The following CTNND2 variants were observed in gnomAD, a reference collection of about 807,000 sequenced individuals.
CTNND2 encodes catenin delta-2.
In CTNND2, 22 loss-of-function variants were observed where a neutral mutation model predicts 144.4. The ratio of observed to expected loss-of-function variants is 0.15; its 90% confidence interval spans 0.11 to 0.22. The LOEUF (loss-of-function observed/expected upper bound fraction) is 0.22. Among genes scored for constraint, CTNND2 ranks in the 10% least tolerant of loss-of-function variants. CTNND2 has a pLI of 1.00. For synonymous variants in CTNND2, 751 were observed against 695.6 expected (o/e 1.08, Z -1.25); for missense variants, 1,353 against 1,618.8 (o/e 0.84, Z 2.82).
intron 3 of CTNND2, among the ~76,000 whole-genome samples, chr5:11,424,876 T>C (rs1233731927): frequency 2.6e-5 from 4 of 152,208 alleles, no homozygotes; most frequent in Non-Finnish European, 4.4e-5. Context: ...GAAACCATTG[T>C]TGACTTCTGA....
At chr5:10,981,679 A>C in intron 21 of CTNND2, 94 bp downstream of exon 21, 1 of 1,228,104 alleles carries the variant, frequency 8.1e-7, no homozygotes, top group Non-Finnish European at 1.2e-6. Flanking sequence ...TCAGTTCTTT[A>C]TGTATGTTGG....
intron 3 of CTNND2, among the ~76,000 whole-genome samples, chr5:11,426,467 G>C (rs551225937): frequency 6.6e-6 from 1 of 152,316 alleles, no homozygotes; most frequent in East Asian, 1.9e-4. Flanking sequence ...TTGAGCTTAT[G>C]TTTTGCGAGT....
intron 3 of CTNND2, among the ~76,000 whole-genome samples, chr5:11,420,344 A>T (rs1762269376): frequency 6.6e-6 from 1 of 152,120 alleles, no homozygotes; most frequent in Non-Finnish European, 1.5e-5. Context: ...ACAAAAACAA[A>T]AAACCTGACA....
chr5:11,786,591 C>T (rs567800029), intron 1 of CTNND2, among the ~76,000 whole-genome samples: 1 of 152,132 alleles, frequency 6.6e-6, no homozygotes, highest in Non-Finnish European at 1.5e-5. Flanking sequence ...CTAGACAGAA[C>T]AAAAATGACA....
intron 1 of CTNND2, among the ~76,000 whole-genome samples, chr5:11,829,920 C>T (rs539979853): frequency 6.6e-6 from 1 of 152,282 alleles, no homozygotes; most frequent in Admixed American, 6.5e-5. Context: ...TGGAGCTGCC[C>T]AAGACCATAG....
chr5:11,074,044 A>C (rs1428549484), intron 16 of CTNND2, among the ~76,000 whole-genome samples: 1 of 152,246 alleles, frequency 6.6e-6, no homozygotes, highest in African/African-American at 2.4e-5. Flanking sequence ...TACTAAAAAC[A>C]GCACGTTGCC....
At chr5:11,448,949 C>T (rs879723814) in intron 3 of CTNND2, among the ~76,000 whole-genome samples, 4 of 151,972 alleles carry the variant, frequency 2.6e-5, no homozygotes, top group Non-Finnish European at 4.4e-5. Flanking sequence ...GTGATCCTCC[C>T]ACCTCAGTCT....
chr5:11,273,128 T>C (rs1005775653), intron 9 of CTNND2, among the ~76,000 whole-genome samples: 6 of 152,252 alleles, frequency 3.9e-5, no homozygotes, highest in Non-Finnish European at 5.9e-5. Context: ...TCTCCTGTTA[T>C]ATAATTATCT....
At chr5:11,482,443 ACT>A (rs1314797847) in intron 3 of CTNND2, among the ~76,000 whole-genome samples, 1 of 152,170 alleles carries the variant, frequency 6.6e-6, no homozygotes, top group East Asian at 1.9e-4. Context: ...ACAAAGAATG[ACT>A]GAGTGCCCTT....
chr5:11,203,220 T>A (rs1737667892), intron 10 of CTNND2, among the ~76,000 whole-genome samples: 1 of 152,224 alleles, frequency 6.6e-6, no homozygotes, highest in African/African-American at 2.4e-5. Flanking sequence ...TACAACTTTC[T>A]GAAAACCTAT....
Position 11,338,049 on chromosome 5 carries a change from A to G in CTNND2, c.1628+8323T>C, listed in dbSNP as rs547204253. ...TGGATCCACTTGTAATTCATCAGAG[A>G]CACAAGCTAAGTGACCCAGGACATC... On this transcript the variant is annotated intron_variant, in intron 9 of 21. Transcript: ENST00000304623. Among the ~76,000 whole-genome samples, 3 of 152,316 alleles carry G rather than the reference A, an allele frequency of 2.0e-5. No individual in the cohort carries two copies. In the South Asian group the frequency reaches 6.2e-4, roughly 32 times the overall value.
intron 11 of CTNND2, among the ~76,000 whole-genome samples, chr5:11,160,576 C>CT (rs1170663540): frequency 6.6e-6 from 1 of 152,056 alleles, no homozygotes; most frequent in South Asian, 2.1e-4. Flanking sequence ...AATAATTATT[C>CT]TTTTTTTGTT....
intron 2 of CTNND2, among the ~76,000 whole-genome samples, chr5:11,712,701 T>C (rs970252990): frequency 8.5e-5 from 13 of 152,198 alleles, no homozygotes; most frequent in African/African-American, 2.9e-4. Context: ...AGGATTGTTT[T>C]TGGACATTAA....
chr5:11,529,507 G>C (rs1248038813), intron 3 of CTNND2, among the ~76,000 whole-genome samples: 4 of 152,014 alleles, frequency 2.6e-5, no homozygotes, highest in Non-Finnish European at 5.9e-5. Flanking sequence ...TGGCACTCAA[G>C]AAAAACTCAC....
At chr5:11,351,495 G>A (rs535211657) in intron 8 of CTNND2, among the ~76,000 whole-genome samples, 1 of 152,168 alleles carries the variant, frequency 6.6e-6, no homozygotes. Flanking sequence ...TAAGGGCCTA[G>A]TTTATAAAGG....
chr5:11,668,992 G>A (rs553503310), intron 2 of CTNND2, among the ~76,000 whole-genome samples: 23 of 152,154 alleles, frequency 1.5e-4, no homozygotes, highest in African/African-American at 4.6e-4. Flanking sequence ...GAATTGTGTC[G>A]AAAGCCCTTT....
intron 2 of CTNND2, among the ~76,000 whole-genome samples, chr5:11,673,983 T>C (rs953263118): frequency 6.6e-6 from 1 of 152,202 alleles, no homozygotes; most frequent in Non-Finnish European, 1.5e-5. Flanking sequence ...ACCTCAGTTT[T>C]AAATATGAAG....
intron 3 of CTNND2, among the ~76,000 whole-genome samples, chr5:11,451,283 G>A (rs1765292912): frequency 6.6e-6 from 1 of 152,034 alleles, no homozygotes; most frequent in Admixed American, 6.6e-5. Context: ...AGAGTTGAAA[G>A]CTTCTAGGCA....
At chr5:11,207,409 C>G (rs2149839970) in intron 10 of CTNND2, among the ~76,000 whole-genome samples, 1 of 151,678 alleles carries the variant, frequency 6.6e-6, no homozygotes, top group Admixed American at 6.6e-5. Flanking sequence ...AGAATACATT[C>G]AAGGCCTCAT....
Sources: gnomAD v4.1 joint callset for allele counts (sites outside exome capture counted in the v4.1 genomes callset) on GRCh38, gnomAD v4.1.1 for gene constraint, MANE v1.5 for transcripts, NCBI Gene and HGNC (gene_info 2026-07-23, HGNC 2026-07-21) for gene names.